The following KAZN variants were observed in gnomAD, a reference collection of about 807,000 sequenced individuals.
KAZN encodes the protein kazrin.
A neutral mutation model predicts 87.4 loss-of-function variants in KAZN; 40 were observed. The observed-to-expected ratio is 0.46, with a 90% CI of 0.36 to 0.60. The LOEUF is 0.60. Ranked by LOEUF, KAZN falls within the 20% of genes least tolerant of loss-of-function variation. The probability of loss-of-function intolerance (pLI) is 0.00; values close to 1 mark genes in which losing one functional copy is unlikely to be tolerated. For missense variants in KAZN, 898 were observed against 1,073.9 expected (o/e 0.84, Z 2.29); for synonymous variants, 466 against 458.3 (o/e 1.02, Z -0.22).
chr1:14,843,346 G>GTAGA (rs1648257652), intron 1 of KAZN, among the ~76,000 whole-genome samples: 1 of 152,222 alleles, frequency 6.6e-6, no homozygotes, highest in African/African-American at 2.4e-5. Flanking sequence ...CTCTGAGGAG[G>GTAGA]TAGAGGAGGT....
At chr1:13,912,286 G>A (rs1315874974) in intron 1 of KAZN, among the ~76,000 whole-genome samples, 5 of 152,152 alleles carry the variant, frequency 3.3e-5, no homozygotes, top group Non-Finnish European at 2.9e-5. Flanking sequence ...TGAGTCCGCG[G>A]CAGTTCCTTA....
intron 1 of KAZN, among the ~76,000 whole-genome samples, chr1:14,834,808 T>TTATTAG (rs3863764): frequency 0.016 from 2,373 of 151,622 alleles, 53 homozygotes; most frequent in African/African-American, 0.052. Flanking sequence ...CCTAGGGGAA[T>TTATTAG]TATTAGTATT....
intron 2 of KAZN, among the ~76,000 whole-genome samples, chr1:14,447,875 G>A (rs1374024751): frequency 2.0e-5 from 3 of 152,178 alleles, no homozygotes; most frequent in Admixed American, 1.3e-4. Flanking sequence ...GTGCCCAAGA[G>A]CTTCCAGCTA....
At chr1:14,920,639 T>C (rs551200989) in intron 1 of KAZN, among the ~76,000 whole-genome samples, 1 of 152,252 alleles carries the variant, frequency 6.6e-6, no homozygotes, top group African/African-American at 2.4e-5. Context: ...GGCTACATAA[T>C]TGGTAGGTCC....
intron 1 of KAZN, among the ~76,000 whole-genome samples, chr1:14,674,183 A>T (rs566926818): frequency 6.6e-6 from 1 of 152,178 alleles, no homozygotes; most frequent in African/African-American, 2.4e-5. Context: ...TCTGACTCTG[A>T]TCTTCTGGCT....
chr1:14,094,966 G>T (rs763114278), intron 1 of KAZN, among the ~76,000 whole-genome samples: 2 of 152,150 alleles, frequency 1.3e-5, no homozygotes, highest in Non-Finnish European at 2.9e-5. Context: ...CAAATAAAAA[G>T]AAATTTGTGT....
intron 2 of KAZN, among the ~76,000 whole-genome samples, chr1:14,384,546 G>T (rs1300844646): frequency 6.6e-6 from 1 of 152,066 alleles, no homozygotes; most frequent in Non-Finnish European, 1.5e-5. Context: ...ATTTTGTCAA[G>T]GGCCTTTTCT....
At chr1:15,004,888 A>G (rs1668847263) in intron 2 of KAZN, among the ~76,000 whole-genome samples, 1 of 152,176 alleles carries the variant, frequency 6.6e-6, no homozygotes, top group South Asian at 2.1e-4. Flanking sequence ...GATTAATTGA[A>G]TCTTGGCACT....
At chr1:13,993,726 G>A (rs748668304) in intron 1 of KAZN, among the ~76,000 whole-genome samples, 15 of 152,178 alleles carry the variant, frequency 9.9e-5, no homozygotes, top group Non-Finnish European at 1.8e-4. Flanking sequence ...ATTTCAGGAA[G>A]TTACTAGGTT....
chr1:13,902,639 G>A (rs1639290991), intron 1 of KAZN, among the ~76,000 whole-genome samples: 1 of 152,170 alleles, frequency 6.6e-6, no homozygotes, highest in Non-Finnish European at 1.5e-5. Context: ...TGATAGCTCT[G>A]GAGGGTGACT....
chr1:14,521,651 G>A (rs771778660), intron 2 of KAZN, among the ~76,000 whole-genome samples: 9 of 152,134 alleles, frequency 5.9e-5, no homozygotes, highest in Non-Finnish European at 7.3e-5. Context: ...TGAGACCTGC[G>A]AACTGAGAAC....
chr1:14,324,958 C>T (rs1239030132), intron 2 of KAZN, among the ~76,000 whole-genome samples: 1 of 152,040 alleles, frequency 6.6e-6, no homozygotes, highest in Admixed American at 6.6e-5. Flanking sequence ...CTTTTGTGAC[C>T]CTAAAAATAC....
chr1:14,792,134 T>C (rs999923699), intron 1 of KAZN, among the ~76,000 whole-genome samples: 10 of 152,188 alleles, frequency 6.6e-5, no homozygotes, highest in Non-Finnish European at 1.0e-4. Flanking sequence ...GGTAGAAAAG[T>C]AGACCATCCG....
At chr1:14,736,384 T>C (rs1465361819) in intron 1 of KAZN, among the ~76,000 whole-genome samples, 1 of 150,970 alleles carries the variant, frequency 6.6e-6, no homozygotes, top group Non-Finnish European at 1.5e-5. Context: ...CTGCAACCTC[T>C]GCCTCCCAGG....
rs1639168099 is a variant in KAZN at position 15,065,661 on chromosome 1, A to G, written c.1130A>G (p.Lys377Arg). 1 of 1,613,990 alleles carries G rather than the reference A, an allele frequency of 6.2e-7. No individual in the cohort carries two copies. Among genetic ancestry groups the G allele is most frequent in the Non-Finnish European group, 8.5e-7 (1 of 1,179,878 alleles). ...GAGGATCTTGAAGACCAAAAACGGA[A>G]AAAGAAGAAAGAGAAGATGGGATTC... ...SLEDLEDQKR[K>R]KKKEKMGFGS... The change falls in exon 8 of 15, where the codon AAA (lysine) becomes AGA (arginine). Residue 377 changes from lysine to arginine, a missense_variant. Around this residue, in one of 3 missense-constraint regions of KAZN, gnomAD observed 521 missense variants for 689.4 expected, o/e 0.76. Transcript: ENST00000376030.
rs1553150619 is a variant in KAZN, at chr1:14,883,355, A to AGAGAGAGAGAGAG, written c.227-77329_227-77328insGAGAGAGAGAGAG. On this transcript the variant is annotated intron_variant, in intron 1 of 14. Transcript: ENST00000376030. ...GAGAGAGAGAGAGAAAGAAAGAAAG[A>AGAGAGAGAGAGAG]AAAGAAAGAAAGAAAGAAAGAAAGA... Among the ~76,000 whole-genome samples, 21 of 20,616 alleles carry AGAGAGAGAGAGAG rather than the reference A, an allele frequency of 1.0e-3. 1 individual carries two copies. Among genetic ancestry groups the AGAGAGAGAGAGAG allele is most frequent in the Non-Finnish European group, 1.5e-3 (16 of 10,484 alleles). The allele number at this position is 20,616 out of a possible 152,430, so 13.5% of individuals were successfully genotyped here.
intron 1 of KAZN, among the ~76,000 whole-genome samples, chr1:14,669,986 A>T (rs1639817219): frequency 6.6e-6 from 1 of 152,136 alleles, no homozygotes; most frequent in African/African-American, 2.4e-5. Flanking sequence ...TCATCTTTAA[A>T]AGAGAACAGC....
chr1:14,754,664 G>T (rs1644507711), intron 1 of KAZN, among the ~76,000 whole-genome samples: 1 of 151,942 alleles, frequency 6.6e-6, no homozygotes, highest in African/African-American at 2.4e-5. Flanking sequence ...CATTAATCCA[G>T]ATTTTTTTAT....
Position 15,043,980 on chromosome 1 carries a change from C to T in KAZN, c.556-9C>T, listed in dbSNP as rs2100339714. ...CACCCACGGTGCTCTCTCCCTCTCC[C>T]ACCCACAGGAGAGCGAGGATGCGGT... On this transcript the variant is annotated splice_polypyrimidine_tract_variant and intron_variant, in intron 3 of 14. Coordinates refer to ENST00000376030, the MANE Select transcript of KAZN (RefSeq NM_201628.3). 6.2e-7 allele frequency: 1 copy of T among 1,601,880 alleles called. No homozygotes were observed. Among genetic ancestry groups the T allele is most frequent in the Non-Finnish European group, 8.5e-7 (1 of 1,173,220 alleles).
Sources: allele counts gnomAD v4.1 joint callset (sites outside exome capture counted in the v4.1 genomes callset), GRCh38; gene constraint gnomAD v4.1.1; regional missense constraint gnomAD v4.1.1; transcripts MANE v1.5; gene names NCBI Gene and HGNC (gene_info 2026-07-23, HGNC 2026-07-21).